Variants in GLIS3 observed in about 807,000 individuals in gnomAD.
The protein encoded by GLIS3 is zinc finger protein GLIS3.
A neutral mutation model predicts 78.6 loss-of-function variants in GLIS3; 53 were observed. The observed-to-expected ratio is 0.67, with a 90% CI of 0.54 to 0.85. The LOEUF is 0.85. GLIS3 is among the 40% of genes least tolerant of loss of function. The pLI is 0.00. For synonymous variants in GLIS3, 684 were observed against 509.9 expected, an observed-to-expected ratio of 1.34 and a Z score of -4.60; for missense variants, 1,703 against 1,231.1, an observed-to-expected ratio of 1.38 and a Z score of -5.74.
At chr9:4,243,782 G>C (rs1340884255) in intron 2 of GLIS3, among the ~76,000 whole-genome samples, 1 of 152,118 alleles carries the variant, frequency 6.6e-6, no homozygotes, top group Non-Finnish European at 1.5e-5. Flanking sequence ...GAAGGTGGGA[G>C]GCTAAACAGC....
chr9:3,869,986 G>A (rs982103802), intron 8 of GLIS3, among the ~76,000 whole-genome samples: 2 of 152,038 alleles, frequency 1.3e-5, no homozygotes, highest in Non-Finnish European at 2.9e-5. Context: ...TTAAGGATAG[G>A]AAGAAAAAGG....
In GLIS3 at chr9:4,118,668, T is replaced by C. The variant is rs376404333; in HGVS notation, c.810A>G (p.Pro270=). 2.4e-5 allele frequency: 38 copies of C among 1,613,974 alleles called. No homozygotes were observed. The East Asian group carries it at 3.1e-4, about 13-fold the overall frequency. The change falls in exon 4 of 11, where the codon CCA becomes CCG. Residue 270 remains proline, a synonymous_variant. Coordinates refer to ENST00000381971, the MANE Select transcript of GLIS3 (RefSeq NM_001042413.2). This position sits in a 1 kb window ranked among gnomAD's most constrained non-coding sequence, Gnocchi z 4.7. Reference sequence around the variant, plus strand: ...TACTTTCCGTGCCAAAAAGGTAGGATGGTAATGAGTTAGAGACACTATTGC... The same window carrying C: ...TACTTTCCGTGCCAAAAAGGTAGGACGGTAATGAGTTAGAGACACTATTGC... ...MSSNSVSNSL[P]SYLFGTESSH... is the part of the protein sequence containing the mutation.
At chr9:4,259,587 G>C (rs766137879) in intron 2 of GLIS3, among the ~76,000 whole-genome samples, 2 of 152,136 alleles carry the variant, frequency 1.3e-5, no homozygotes, top group Non-Finnish European at 2.9e-5. Context: ...CGTCCTCAGG[G>C]CAAACTGAGA....
chr9:4,403,591 TTTTA>T, the GLIS3 span, among the ~76,000 whole-genome samples: 1 of 152,150 alleles, frequency 6.6e-6, no homozygotes, highest in East Asian at 1.9e-4. Flanking sequence ...AGTGTAGAGT[TTTTA>T]TTAGTTTTCT....
At chr9:4,204,372 T>A (rs1819662755) in intron 2 of GLIS3, among the ~76,000 whole-genome samples, 2 of 152,108 alleles carry the variant, frequency 1.3e-5, no homozygotes, top group South Asian at 4.2e-4. Flanking sequence ...ACTCATTAGG[T>A]CTGAGAGTAA....
upstream of GLIS3, among the ~76,000 whole-genome samples, chr9:4,303,800 A>G (rs962014747): frequency 6.6e-6 from 1 of 152,240 alleles, no homozygotes; most frequent in African/African-American, 2.4e-5. Context: ...ATTCCTTGAC[A>G]TATTACTTAG....
At chr9:3,874,498 A>AG (rs1303771298) in intron 8 of GLIS3, among the ~76,000 whole-genome samples, 2 of 152,196 alleles carry the variant, frequency 1.3e-5, no homozygotes, top group East Asian at 1.9e-4. Context: ...ATAGAACCGG[A>AG]GGAGGGGGCT....
the GLIS3 span, among the ~76,000 whole-genome samples, chr9:4,464,989 C>A: frequency 4.6e-5 from 7 of 152,188 alleles, no homozygotes; most frequent in African/African-American, 1.7e-4. Context: ...TTTGCACAAG[C>A]TATAAATGGA....
intron 4 of GLIS3, among the ~76,000 whole-genome samples, chr9:4,101,535 C>A (rs1265599590): frequency 6.6e-6 from 1 of 152,132 alleles, no homozygotes; most frequent in Non-Finnish European, 1.5e-5. Context: ...AGTCTAGATT[C>A]AAGTCTCCTG....
intron 2 of GLIS3, among the ~76,000 whole-genome samples, chr9:4,274,081 C>A (rs938139170): frequency 6.6e-6 from 1 of 152,040 alleles, no homozygotes; most frequent in Non-Finnish European, 1.5e-5. Context: ...ATACATTATC[C>A]CCCACCTTCC....
At chr9:4,306,990 C>G (rs561518398) in intron 4 of GLIS3, among the ~76,000 whole-genome samples, 31 of 152,306 alleles carry the variant, frequency 2.0e-4, no homozygotes, top group African/African-American at 5.5e-4. Context: ...CTTTTTCCTT[C>G]CAGCAAGAAG....
chr9:3,856,142 C>T lies in GLIS3; in HGVS notation c.2340G>A (p.Arg780=), dbSNP rs147473975. The change falls in exon 9 of 11, where the codon CGG becomes CGA. Residue 780 remains arginine, a synonymous_variant. Transcript: ENST00000381971. The stretch of plus-strand genomic sequence containing the variant: ...GTATTGAAGAAGGAGCTGGAACTCT[C>T]CGGGGGCTGATGTGGTGAGGAGATG... The part of the protein sequence containing the change: ...SAPSPHHISP[R]RVPAPSSILQ... 251 of 1,614,090 alleles carry T rather than the reference C, an allele frequency of 1.6e-4. 2 individuals carry two copies. In the African/African-American group the frequency reaches 2.8e-3, roughly 18 times the overall value.
chr9:4,420,592 G>A, the GLIS3 span, among the ~76,000 whole-genome samples: 8 of 152,134 alleles, frequency 5.3e-5, no homozygotes, highest in Non-Finnish European at 8.8e-5. Flanking sequence ...TCTCCCTAAT[G>A]TTTAATCCTT....
the GLIS3 span, among the ~76,000 whole-genome samples, chr9:4,417,028 C>G: frequency 1.3e-5 from 2 of 151,870 alleles, no homozygotes; most frequent in African/African-American, 4.8e-5. Context: ...GGCTTAATTC[C>G]TTCTCTCAAT....
At chr9:4,275,857 A>T (rs1485916685) in intron 2 of GLIS3, among the ~76,000 whole-genome samples, 2 of 152,222 alleles carry the variant, frequency 1.3e-5, no homozygotes, top group African/African-American at 2.4e-5. Context: ...TTCATACCTA[A>T]AATGGGGCCG....
intron 2 of GLIS3, among the ~76,000 whole-genome samples, chr9:4,242,014 A>G (rs1823368617): frequency 6.6e-6 from 1 of 152,182 alleles, no homozygotes; most frequent in African/African-American, 2.4e-5. Flanking sequence ...TACAGAAATC[A>G]TATTACTGTT....
chr9:3,998,410 C>T (rs1413805558), intron 4 of GLIS3, among the ~76,000 whole-genome samples: 1 of 151,928 alleles, frequency 6.6e-6, no homozygotes, highest in East Asian at 1.9e-4. Flanking sequence ...TTTTTCTTAC[C>T]TTTATATTTA....
intron 9 of GLIS3, among the ~76,000 whole-genome samples, chr9:3,846,360 G>C (rs1026866522): frequency 2.6e-5 from 4 of 152,156 alleles, no homozygotes; most frequent in African/African-American, 9.7e-5. Context: ...GTTAGGGCAT[G>C]GTACTTAAGC....
intron 4 of GLIS3, among the ~76,000 whole-genome samples, chr9:4,056,320 T>C (rs1038544411): frequency 1.3e-5 from 2 of 152,236 alleles, no homozygotes; most frequent in Admixed American, 6.5e-5. Flanking sequence ...ACTGTCATAA[T>C]GTAAACTCTC....
Sources: gnomAD v4.1 joint callset for allele counts (sites outside exome capture counted in the v4.1 genomes callset) on GRCh38, gnomAD v4.1.1 for gene constraint, Gnocchi (gnomAD v3.1) non-coding constraint, MANE v1.5 for transcripts, NCBI Gene and HGNC (gene_info 2026-07-23, HGNC 2026-07-21) for gene names.